The following ARID2 variants were observed in gnomAD, a reference collection of about 807,000 sequenced individuals.
ARID2 encodes the protein AT-rich interactive domain-containing protein 2.
In ARID2, 32 loss-of-function variants were observed where a neutral mutation model predicts 184.6. The ratio of observed to expected loss-of-function variants is 0.17; its 90% confidence interval spans 0.13 to 0.23. The LOEUF is 0.23. Among genes scored for constraint, ARID2 ranks in the 10% least tolerant of loss-of-function variants. The pLI is 1.00. For synonymous variants in ARID2, 836 were observed against 772.6 expected, an observed-to-expected ratio of 1.08 and a Z score of -1.36; for missense variants, 1,696 against 2,197.6, an observed-to-expected ratio of 0.77 and a Z score of 4.56.
At chr12:45,771,054 C>T (rs1334196163) in intron 3 of ARID2, among the ~76,000 whole-genome samples, 1 of 152,088 alleles carries the variant, frequency 6.6e-6, no homozygotes, top group East Asian at 1.9e-4. Flanking sequence ...AATTTAAATC[C>T]ACACACACAA....
chr12:45,873,848 A>G (rs1053437244), intron 16 of ARID2, among the ~76,000 whole-genome samples: 3 of 152,202 alleles, frequency 2.0e-5, no homozygotes, highest in Non-Finnish European at 4.4e-5. Context: ...TCTTGCCTCG[A>G]TATTGATGGC....
At chr12:45,824,227 T>G (rs1015094139) in intron 6 of ARID2, among the ~76,000 whole-genome samples, 2 of 152,164 alleles carry the variant, frequency 1.3e-5, no homozygotes, top group Admixed American at 1.3e-4. Context: ...TTGAGGTATG[T>G]TTCTTCTATG....
At chr12:45,730,915 G>C (rs1940980569) in intron 2 of ARID2, among the ~76,000 whole-genome samples, 2 of 140,274 alleles carry the variant, frequency 1.4e-5, no homozygotes, top group Admixed American at 1.5e-4. Flanking sequence ...GGACCGCGTT[G>C]AGATTTAAAA....
chr12:45,826,674 C>G (rs1592100872), intron 6 of ARID2, among the ~76,000 whole-genome samples: 1 of 152,222 alleles, frequency 6.6e-6, no homozygotes, highest in East Asian at 1.9e-4. Flanking sequence ...CTGCCTCGGC[C>G]TCCCAGAGTG....
intron 3 of ARID2, among the ~76,000 whole-genome samples, chr12:45,766,376 C>T (rs138740311): frequency 2.1e-4 from 32 of 151,688 alleles, no homozygotes; most frequent in East Asian, 1.8e-3. Context: ...TTATATTGGC[C>T]GAGCTGGTCT....
At chr12:45,730,895 T>TC (rs1940979762) in intron 2 of ARID2, among the ~76,000 whole-genome samples, 1 of 136,162 alleles carries the variant, frequency 7.3e-6, no homozygotes, top group Admixed American at 7.4e-5. Context: ...TTTTTTTTTT[T>TC]AGTGTAAACG....
chr12:45,790,403 G>A (rs1205094939), intron 3 of ARID2, among the ~76,000 whole-genome samples: 1 of 151,990 alleles, frequency 6.6e-6, no homozygotes, highest in Admixed American at 6.6e-5. Context: ...ATTTGGATTT[G>A]AACTAAATTT....
chr12:45,775,846 T>C (rs368293173), intron 3 of ARID2, among the ~76,000 whole-genome samples: 4 of 152,242 alleles, frequency 2.6e-5, no homozygotes, highest in Admixed American at 2.0e-4. Context: ...TTAAGTACTT[T>C]ATTGCTGTTG....
Position 45,838,322 on chromosome 12 carries a change from A to G in ARID2, c.1330+615A>G, listed in dbSNP as rs183308934. Among the ~76,000 whole-genome samples the G allele has an allele frequency of 4.1e-3, 628 of 152,322 alleles. 6 individuals carry two copies. The highest frequency in any genetic ancestry group is 0.013 in the African/African-American group (547 of 41,568). On this transcript the variant is annotated intron_variant, in intron 10 of 20. Coordinates refer to ENST00000334344, the MANE Select transcript of ARID2 (RefSeq NM_152641.4). ...CGTTTTACTTGGTGATTAAAATGAT[A>G]TCTTTCTTAGGTATAATAAATATTA...
chr12:45,795,409 T>G (rs1174683493), intron 3 of ARID2, among the ~76,000 whole-genome samples: 2 of 152,110 alleles, frequency 1.3e-5, no homozygotes, highest in Non-Finnish European at 2.9e-5. Context: ...CTCTGCTTTC[T>G]TCCTCCGTCT....
rs191247472 is a variant in ARID2, at chr12:45,754,237, G to A, written c.284+22923G>A. Among the ~76,000 whole-genome samples the A allele has an allele frequency of 3.9e-5, 6 of 152,352 alleles. No homozygotes were observed. The East Asian group carries it at 9.6e-4, about 24-fold the overall frequency. ...AAAGAGGGCTGAGTGATGCAGGTAA[G>A]TGCTTACATTTCTTCAGTGGCTCTC... On this transcript the variant is annotated intron_variant, in intron 3 of 20. Coordinates refer to ENST00000334344, the MANE Select transcript of ARID2 (RefSeq NM_152641.4).
Position 45,851,618 on chromosome 12 carries a change from A to G in ARID2, c.3495A>G (p.Gln1165=), listed in dbSNP as rs1198178764. The G allele has an allele frequency of 6.2e-7, 1 of 1,614,154 alleles. No individual in the cohort carries two copies. The highest frequency in any genetic ancestry group is 8.5e-7 in the Non-Finnish European group (1 of 1,179,990). The change falls in exon 15 of 21, where the codon CAA becomes CAG. Residue 1165 remains glutamine (Q), a synonymous_variant. Transcript: ENST00000334344. ...CAAATAGCCCAGCAACCATTTTCCA[A>G]GGGACTTCTGGCAACCAGGTAACCA... ...LISNSPATIF[Q]GTSGNQVTIT...
At chr12:45,766,819 A>G (rs190261283) in intron 3 of ARID2, among the ~76,000 whole-genome samples, 1 of 149,928 alleles carries the variant, frequency 6.7e-6, no homozygotes, top group Non-Finnish European at 1.5e-5. Context: ...CAGCCGGCAT[A>G]TATTTAATTT....
intron 6 of ARID2, among the ~76,000 whole-genome samples, chr12:45,835,919 A>G (rs1056576817): frequency 3.3e-5 from 5 of 151,942 alleles, no homozygotes; most frequent in African/African-American, 1.2e-4. Context: ...AAACAAAAAC[A>G]AAAAAGAAAT....
chr12:45,876,486 G>A (rs561081571), intron 16 of ARID2, among the ~76,000 whole-genome samples: 3 of 151,534 alleles, frequency 2.0e-5, no homozygotes, highest in Non-Finnish European at 4.4e-5. Context: ...GAAGGTGGAG[G>A]TTGCGGTGAG....
At chr12:45,845,225 G>A (rs1384923069) in intron 11 of ARID2, among the ~76,000 whole-genome samples, 1 of 152,090 alleles carries the variant, frequency 6.6e-6, no homozygotes, top group Non-Finnish European at 1.5e-5. Context: ...TCTAAGTAGG[G>A]TATGCTCTTT....
chr12:45,752,236 T>A (rs1484317183), intron 3 of ARID2, among the ~76,000 whole-genome samples: 3 of 152,154 alleles, frequency 2.0e-5, no homozygotes, highest in Admixed American at 1.3e-4. Context: ...TCTTGGCGTA[T>A]TTTTTTCTAG....
intron 3 of ARID2, among the ~76,000 whole-genome samples, chr12:45,802,881 C>T (rs1021344477): frequency 1.3e-5 from 2 of 152,122 alleles, no homozygotes; most frequent in Non-Finnish European, 2.9e-5. Context: ...TTGCCACGTT[C>T]GTCTGCCTGT....
chr12:45,872,481 G>A (rs1049913517), intron 16 of ARID2, among the ~76,000 whole-genome samples: 3 of 152,138 alleles, frequency 2.0e-5, no homozygotes, highest in Non-Finnish European at 2.9e-5. Flanking sequence ...AAAGAATAAA[G>A]GTTTAATTGA....
Sources: allele counts gnomAD v4.1 joint callset (sites outside exome capture counted in the v4.1 genomes callset), GRCh38; gene constraint gnomAD v4.1.1; transcripts MANE v1.5; gene names NCBI Gene and HGNC (gene_info 2026-07-23, HGNC 2026-07-21).